PDGFB: variants seen among roughly 807,000 people sequenced by gnomAD.
The protein encoded by PDGFB is platelet-derived growth factor subunit B.
In PDGFB, 6 loss-of-function variants were observed where a neutral mutation model predicts 29.0. The ratio of observed to expected loss-of-function variants is 0.21; its 90% confidence interval spans 0.11 to 0.41. PDGFB has a LOEUF of 0.41. Ranked by LOEUF, PDGFB falls within the 10% of genes least tolerant of loss-of-function variation. PDGFB has a pLI of 1.00. For synonymous variants in PDGFB, 144 were observed against 140.8 expected (o/e 1.02, Z -0.16); for missense variants, 299 against 341.8 (o/e 0.87, Z 0.99).
At position 39,231,866 on chromosome 22, in the gene PDGFB, G is replaced by A. The variant is rs774625953; in HGVS notation, c.251-39C>T. 6.4e-7 allele frequency: 1 copy of A among 1,563,250 alleles called. No individual in the cohort carries two copies. The highest frequency in any genetic ancestry group is 8.7e-7 in the Non-Finnish European group (1 of 1,147,128). On this transcript the variant is annotated intron_variant, in intron 3 of 6. Coordinates refer to ENST00000331163, the MANE Select transcript of PDGFB (RefSeq NM_002608.4). The surrounding 1 kb of genome is among the most constrained non-coding windows in gnomAD (Gnocchi z 4.3). ...AAACCTGGGTCAGGAGCGTAGGCCT[G>A]TCCAGAGTCCCCCCACTTGGCAGGG...
At chr22:39,227,083 C>T (rs1266078633) in intron 5 of PDGFB, among the ~76,000 whole-genome samples, 2 of 152,238 alleles carry the variant, frequency 1.3e-5, no homozygotes, top group Admixed American at 6.5e-5. Flanking sequence ...CTCAGCCTCC[C>T]GAGTAGCTGG....
Position 39,232,236 on chromosome 22 carries a change from C to T in PDGFB, c.251-409G>A, listed in dbSNP as rs151308013. 2.9e-3 allele frequency among the ~76,000 whole-genome samples: 435 copies of T among 152,358 alleles called. 2 individuals carry two copies. The highest frequency in any genetic ancestry group is 0.01 in the Middle Eastern group (3 of 294). On this transcript the variant is annotated intron_variant, in intron 3 of 6. Transcript: ENST00000331163. ...GGTACCATATTAGCTCGAAACCACG[C>T]GTGCACTGCTGTCTCACGGTGCCTT...
chr22:39,243,274 T>TTCTCTC lies in PDGFB; in HGVS notation c.63+621_63+626dup, dbSNP rs767228828. On this transcript the variant is annotated intron_variant, in intron 1 of 6. Transcript: ENST00000331163. The surrounding 1 kb of genome is among the most constrained non-coding windows in gnomAD (Gnocchi z 6.4). ...TCCGTCTCTCTCTCTCTCTCTCTCT[T>TTCTCTC]TCTCTCTCTCTCTCTCTCTCTCCCT... Among the ~76,000 whole-genome samples the TTCTCTC allele has an allele frequency of 3.3e-5, 2 of 60,806 alleles. No homozygotes were observed. The highest frequency in any genetic ancestry group is 4.4e-5 in the Non-Finnish European group (1 of 22,886). The allele number at this position is 60,806 out of a possible 152,430, so 39.9% of individuals were successfully genotyped here.
intron 5 of PDGFB, 36 bp downstream of exon 5, chr22:39,230,048 A>C (rs1323563555): frequency 3.1e-6 from 5 of 1,605,130 alleles, no homozygotes; most frequent in Non-Finnish European, 4.3e-6. Context: ...GCTGCAGGGG[A>C]AGGGGGCTGA....
chr22:39,229,764 G>A (rs951142123), intron 5 of PDGFB, among the ~76,000 whole-genome samples: 2 of 152,224 alleles, frequency 1.3e-5, no homozygotes, highest in African/African-American at 2.4e-5. Context: ...GCTGGGAGAA[G>A]TGTTCTTCAG....
chr22:39,230,140 G>A lies in PDGFB; in HGVS notation c.545C>T (p.Thr182Ile), dbSNP rs778228697. The stretch of plus-strand genomic sequence containing the variant: ...GGTCACAGGCCGTGCAGCTGCCACT[G>A]TCTCACACTTGCATGCCAGGTGGTC... Reference protein sequence around the residue: ...LEDHLACKCETVAAARPVTRS... With the variant: ...LEDHLACKCEIVAAARPVTRS... The change falls in exon 5 of 7, where the codon ACA becomes ATA. Residue 182 changes from threonine (T) to isoleucine (I), a missense_variant. By Grantham distance (89) the Thr-to-Ile change is moderately conservative. Coordinates refer to ENST00000331163, the MANE Select transcript of PDGFB (RefSeq NM_002608.4). The A allele has an allele frequency of 6.2e-7, 1 of 1,614,080 alleles. No individual in the cohort carries two copies. Among genetic ancestry groups the A allele is most frequent in the Non-Finnish European group, 8.5e-7 (1 of 1,180,038 alleles).
intron 5 of PDGFB, 67 bp downstream of exon 5, chr22:39,230,016 AG>A (rs1932258161): frequency 6.5e-7 from 1 of 1,549,668 alleles, no homozygotes; most frequent in Admixed American, 1.9e-5. Context: ...TCCATTTTTA[AG>A]ACCGGCCCCT....
chr22:39,235,513 C>T (rs1050566644), intron 2 of PDGFB, among the ~76,000 whole-genome samples: 2 of 152,224 alleles, frequency 1.3e-5, no homozygotes, highest in Non-Finnish European at 2.9e-5. Flanking sequence ...ACCTTCTCCC[C>T]GCCCTCCCTC....
rs1163594011 is a variant in PDGFB at position 39,244,591 on chromosome 22, G to C, written c.-628C>G. The C allele has an allele frequency of 6.6e-6, 1 of 150,972 alleles. No individual in the cohort carries two copies. Among genetic ancestry groups the C allele is most frequent in the Non-Finnish European group, 1.5e-5 (1 of 68,374 alleles). The allele number at this position is 150,972 out of a possible 1,614,324, so 9.4% of individuals were successfully genotyped here. ...GCGTGTGCGCCCTGGCGCGGGGCCC[G>C]GGCGGCGGGCACGGCTGCTCCGCGC... On this transcript the variant is annotated 5_prime_UTR_variant, in exon 1 of 7. Coordinates refer to ENST00000331163, the MANE Select transcript of PDGFB (RefSeq NM_002608.4). This position sits in a 1 kb window ranked among gnomAD's most constrained non-coding sequence, Gnocchi z 4.5.
intron 5 of PDGFB, among the ~76,000 whole-genome samples, chr22:39,226,993 C>G (rs570912266): frequency 6.6e-6 from 1 of 152,366 alleles, no homozygotes; most frequent in African/African-American, 2.4e-5. Context: ...GAGGCTCACT[C>G]TGTTGCCCAG....
intron 3 of PDGFB, 47 bp downstream of exon 3, chr22:39,233,388 G>T (rs761350079): frequency 7.0e-7 from 1 of 1,422,764 alleles, no homozygotes. Context: ...TCTTTCCCTG[G>T]CCCCCATGCT....
Position 39,231,029 on chromosome 22 carries a change from CCGAAGAAAAG to C in PDGFB, c.456+583_456+592del, listed in dbSNP as rs915139479. 2.0e-5 allele frequency among the ~76,000 whole-genome samples: 3 copies of C among 152,234 alleles called. No individual in the cohort carries two copies. Among genetic ancestry groups the C allele is most frequent in the African/African-American group, 7.2e-5 (3 of 41,460 alleles). On this transcript the variant is annotated intron_variant, in intron 4 of 6. Coordinates refer to ENST00000331163, the MANE Select transcript of PDGFB (RefSeq NM_002608.4). This position sits in a 1 kb window ranked among gnomAD's most constrained non-coding sequence, Gnocchi z 4.3. ...TCCAGTGTATGTATCCCCCGTCCCT[CCGAAGAAAAG>C]CAGGATCAGCATTCCACTGTTGTCA...
At chr22:39,228,233 C>T (rs5757570) in intron 5 of PDGFB, among the ~76,000 whole-genome samples, 45,465 of 152,112 alleles carry the variant, frequency 0.3, 7,529 homozygotes, top group East Asian at 0.7. Flanking sequence ...TGGTATAATG[C>T]GCCTCCCAAG....
chr22:39,231,649 G>A lies in PDGFB; in HGVS notation c.429C>T (p.Pro143=). 6.3e-7 allele frequency: 1 copy of A among 1,579,812 alleles called. No individual in the cohort carries two copies. Among genetic ancestry groups the A allele is most frequent in the Non-Finnish European group, 8.6e-7 (1 of 1,164,056 alleles). Residue 143 remains proline (P), a synonymous_variant, in exon 4 of 7, where the codon CCC becomes CCT. Transcript: ENST00000331163. This position sits in a 1 kb window ranked among gnomAD's most constrained non-coding sequence, Gnocchi z 4.3. ...GGACAGGTCGCAGCTGCACCTGGGT[G>A]GGGCGGCACTGCACGTTGCGGTTGT... The part of the protein sequence containing the change: ...CCNNRNVQCR[P]TQVQLRPVQV...
In PDGFB at chr22:39,243,994, C is replaced by G; in HGVS notation, c.-31G>C. ...CTCCGGGCCCGGCCCCGCGGGGCCCCGGACGCGTAGATCGAGCGCGCCGCC... is the reference window on the plus strand; with the variant it reads ...CTCCGGGCCCGGCCCCGCGGGGCCCGGGACGCGTAGATCGAGCGCGCCGCC... On this transcript the variant is annotated 5_prime_UTR_variant, in exon 1 of 7. Coordinates refer to ENST00000331163, the MANE Select transcript of PDGFB (RefSeq NM_002608.4). This position sits in a 1 kb window ranked among gnomAD's most constrained non-coding sequence, Gnocchi z 6.4. The G allele has an allele frequency of 6.7e-6, 9 of 1,341,408 alleles. No homozygotes were observed. The highest frequency in any genetic ancestry group is 5.0e-5 in the South Asian group (4 of 79,950). 83.1% of individuals were successfully genotyped at this position (1,341,408 alleles called of 1,614,324 possible).
rs1414534254 is a variant in PDGFB at position 39,231,376 on chromosome 22, C to T, written c.456+246G>A. ...CCACACCTCGCCCAGCCCGGGGGGT[C>T]TGTCTGTGGCTTTTGGCTACAGTGG... On this transcript the variant is annotated intron_variant, in intron 4 of 6. Coordinates refer to ENST00000331163, the MANE Select transcript of PDGFB (RefSeq NM_002608.4). This position sits in a 1 kb window ranked among gnomAD's most constrained non-coding sequence, Gnocchi z 4.3. Among the ~76,000 whole-genome samples the T allele has an allele frequency of 1.3e-5, 2 of 152,234 alleles. No individual in the cohort carries two copies.
rs1353306729 is a variant in PDGFB at position 39,231,689 on chromosome 22, C to A, written c.389G>T (p.Cys130Phe). The change falls in exon 4 of 7, where the codon TGC becomes TTC. Residue 130 changes from cysteine to phenylalanine, a missense_variant. Transcript: ENST00000331163. The surrounding 1 kb of genome is among the most constrained non-coding windows in gnomAD (Gnocchi z 4.3). ...GTTGCGGTTGTTGCAGCAGCCGGAGCAGCGCTGCACCTCCACACAGGGCGG... is the reference window on the plus strand; with the variant it reads ...GTTGCGGTTGTTGCAGCAGCCGGAGAAGCGCTGCACCTCCACACAGGGCGG... ...VWPPCVEVQRCSGCCNNRNVQ... is the reference protein window; with the variant it reads ...VWPPCVEVQRFSGCCNNRNVQ... 1 of 1,602,508 alleles carries A rather than the reference C, an allele frequency of 6.2e-7. No homozygotes were observed. The highest frequency in any genetic ancestry group is 8.5e-7 in the Non-Finnish European group (1 of 1,175,376).
At position 39,243,182 on chromosome 22, in the gene PDGFB, C is replaced by G. The variant is rs891134787; in HGVS notation, c.63+719G>C. Among the ~76,000 whole-genome samples, 1 of 152,158 alleles carries G rather than the reference C, an allele frequency of 6.6e-6. No individual in the cohort carries two copies. Among genetic ancestry groups the G allele is most frequent in the East Asian group, 1.9e-4 (1 of 5,174 alleles). ...TTCCTTCAGAGCCCCTAGTCCTCCC[C>G]CTACCCGAGTGCCCGAAACCTACCT... On this transcript the variant is annotated intron_variant, in intron 1 of 6. Coordinates refer to ENST00000331163, the MANE Select transcript of PDGFB (RefSeq NM_002608.4). This position sits in a 1 kb window ranked among gnomAD's most constrained non-coding sequence, Gnocchi z 6.4.
At chr22:39,234,038 T>A (rs1197308136) in intron 2 of PDGFB, among the ~76,000 whole-genome samples, 1 of 24,542 alleles carries the variant, frequency 4.1e-5, no homozygotes. Context: ...GGGAGAGGGA[T>A]GGGGGTGGGA....
Sources: allele counts gnomAD v4.1 joint callset (sites outside exome capture counted in the v4.1 genomes callset), GRCh38; gene constraint gnomAD v4.1.1; non-coding constraint Gnocchi (gnomAD v3.1); transcripts MANE v1.5; gene names NCBI Gene and HGNC (gene_info 2026-07-23, HGNC 2026-07-21).